SLCO3A1: variants seen among roughly 807,000 people sequenced by gnomAD.
The protein encoded by SLCO3A1 is solute carrier organic anion transporter family member 3A1, also known as PGE1 transporter.
Under a neutral mutation model 63.1 loss-of-function variants are expected in SLCO3A1, and 27 were observed. That is an observed-to-expected ratio of 0.43 (90% CI 0.32 to 0.59). The LOEUF (loss-of-function observed/expected upper bound fraction) is 0.59. Among genes scored for constraint, SLCO3A1 ranks in the 20% least tolerant of loss-of-function variants. The pLI is 0.09. For missense variants in SLCO3A1, 773 were observed against 945.8 expected (o/e 0.82, Z 2.40); for synonymous variants, 473 against 409.9 (o/e 1.15, Z -1.86).
At chr15:92,068,224 G>C (rs2047174700) in intron 2 of SLCO3A1, among the ~76,000 whole-genome samples, 1 of 152,202 alleles carries the variant, frequency 6.6e-6, no homozygotes. Context: ...TAATTAGCAT[G>C]TTTTGAAGGA....
At chr15:92,079,415 G>T (rs562463334) in intron 2 of SLCO3A1, among the ~76,000 whole-genome samples, 137 of 152,344 alleles carry the variant, frequency 9.0e-4, no homozygotes, top group African/African-American at 3.2e-3. Context: ...AGATGGTAGT[G>T]TTGGCCATGG....
intron 2 of SLCO3A1, among the ~76,000 whole-genome samples, chr15:91,937,627 G>C (rs1899461172): frequency 6.6e-6 from 1 of 151,474 alleles, no homozygotes; most frequent in Non-Finnish European, 1.5e-5. Context: ...GCTGAGGCAG[G>C]AGAATCACTT....
At chr15:91,992,075 C>G (rs1318071166) in intron 2 of SLCO3A1, among the ~76,000 whole-genome samples, 1 of 152,216 alleles carries the variant, frequency 6.6e-6, no homozygotes, top group East Asian at 1.9e-4. Flanking sequence ...GAGCTCTACC[C>G]TGTGCCACAG....
At chr15:92,141,054 A>G (rs1241527695) in intron 7 of SLCO3A1, among the ~76,000 whole-genome samples, 2 of 152,184 alleles carry the variant, frequency 1.3e-5, no homozygotes, top group Non-Finnish European at 2.9e-5. Context: ...CGGGTCAACA[A>G]ACTTGTCAGG....
chr15:92,133,569 C>T (rs1179577115), intron 7 of SLCO3A1, among the ~76,000 whole-genome samples: 1 of 145,202 alleles, frequency 6.9e-6, no homozygotes, highest in Non-Finnish European at 1.5e-5. Context: ...CCTGTCAGAT[C>T]AGCAGTGGCA....
rs960646654 is a variant in SLCO3A1, at chr15:91,900,432, C to T, written c.181-15561C>T. Reference sequence around the variant, plus strand: ...GCAACCTCCACTTCCTGGGTTCAAGCGATTCTCCTGCCTCAGCCTCCCCAG... The same window carrying T: ...GCAACCTCCACTTCCTGGGTTCAAGTGATTCTCCTGCCTCAGCCTCCCCAG... On this transcript the variant is annotated intron_variant, in intron 1 of 9. Coordinates refer to ENST00000318445, the MANE Select transcript of SLCO3A1 (RefSeq NM_013272.4). The surrounding 1 kb of genome is among the most constrained non-coding windows in gnomAD (Gnocchi z 4.3). Among the ~76,000 whole-genome samples, 4 of 152,138 alleles carry T rather than the reference C, an allele frequency of 2.6e-5. No homozygotes were observed. The highest frequency in any genetic ancestry group is 5.9e-5 in the Non-Finnish European group (4 of 68,026).
At chr15:92,004,051 C>T (rs1425911958) in intron 2 of SLCO3A1, among the ~76,000 whole-genome samples, 2 of 150,870 alleles carry the variant, frequency 1.3e-5, no homozygotes, top group African/African-American at 2.4e-5. Context: ...TGGACCGTCT[C>T]AGGCACTGGT....
rs1010847484 is a variant in SLCO3A1 at position 91,950,945 on chromosome 15, A to G, written c.646+34487A>G. ...AAAGTATTTCTCTGGCTTTCACTTCATTTGACAGGTGAGCTGAAGCTATTG... is the reference window on the plus strand; with the variant it reads ...AAAGTATTTCTCTGGCTTTCACTTCGTTTGACAGGTGAGCTGAAGCTATTG... On this transcript the variant is annotated intron_variant, in intron 2 of 9. Transcript: ENST00000318445. This position sits in a 1 kb window ranked among gnomAD's most constrained non-coding sequence, Gnocchi z 4.4. 2.6e-5 allele frequency among the ~76,000 whole-genome samples: 4 copies of G among 152,152 alleles called. No individual in the cohort carries two copies. Among genetic ancestry groups the G allele is most frequent in the Non-Finnish European group, 5.9e-5 (4 of 68,036 alleles).
At chr15:92,044,285 AC>A (rs1177681650) in intron 2 of SLCO3A1, among the ~76,000 whole-genome samples, 1 of 151,570 alleles carries the variant, frequency 6.6e-6, no homozygotes, top group Non-Finnish European at 1.5e-5. Flanking sequence ...AATGATGTGT[AC>A]CCCCCGAAAC....
intron 2 of SLCO3A1, among the ~76,000 whole-genome samples, chr15:91,965,101 T>G (rs1452137893): frequency 6.6e-6 from 1 of 151,482 alleles, no homozygotes; most frequent in Non-Finnish European, 1.5e-5. Context: ...GGATACTCAG[T>G]GGATGATTAG....
chr15:92,090,878 C>T (rs1385578883), intron 2 of SLCO3A1, among the ~76,000 whole-genome samples: 1 of 152,184 alleles, frequency 6.6e-6, no homozygotes, highest in Non-Finnish European at 1.5e-5. Flanking sequence ...ATTCAATCCT[C>T]ACCACAACCC....
chr15:92,125,781 C>G (rs1285853137), intron 5 of SLCO3A1, among the ~76,000 whole-genome samples: 1 of 151,774 alleles, frequency 6.6e-6, no homozygotes, highest in African/African-American at 2.4e-5. Flanking sequence ...CCCTCTTCAG[C>G]TTGCGTTTCT....
At chr15:92,025,166 C>CTT (rs11413999) in intron 2 of SLCO3A1, among the ~76,000 whole-genome samples, 205 of 129,020 alleles carry the variant, frequency 1.6e-3, no homozygotes, top group East Asian at 0.012. Context: ...TTAGGTTGTC[C>CTT]TTTTTTTTTT....
chr15:91,914,926 G>C (rs1433386119), intron 1 of SLCO3A1, among the ~76,000 whole-genome samples: 2 of 152,080 alleles, frequency 1.3e-5, no homozygotes, highest in African/African-American at 4.8e-5. Context: ...GGCTCATGCT[G>C]TTCCTTTTGC....
At chr15:92,137,107 A>C in intron 7 of SLCO3A1, among the ~76,000 whole-genome samples, 1 of 144,946 alleles carries the variant, frequency 6.9e-6, no homozygotes. Context: ...ATATCTCCCA[A>C]TGCTATCCCT....
intron 2 of SLCO3A1, among the ~76,000 whole-genome samples, chr15:91,956,974 ATAGTATATAT>A (rs1372505186): frequency 2.6e-5 from 1 of 38,506 alleles, no homozygotes; most frequent in Non-Finnish European, 3.8e-5. Flanking sequence ...ATATATATAT[ATAGTATATAT>A]AATATATAGT....
At chr15:92,112,084 G>A (rs1012828838) in intron 4 of SLCO3A1, among the ~76,000 whole-genome samples, 2 of 152,228 alleles carry the variant, frequency 1.3e-5, no homozygotes, top group African/African-American at 4.8e-5. Context: ...AGAGAGAGGG[G>A]ACTTGGAGAT....
intron 2 of SLCO3A1, among the ~76,000 whole-genome samples, chr15:92,072,086 A>G (rs906739042): frequency 1.3e-5 from 2 of 152,206 alleles, no homozygotes; most frequent in African/African-American, 2.4e-5. Context: ...CTGGATTCCA[A>G]TAGCTTTCCA....
intron 3 of SLCO3A1, among the ~76,000 whole-genome samples, chr15:92,099,691 C>G (rs1189251051): frequency 6.6e-6 from 1 of 152,184 alleles, no homozygotes; most frequent in East Asian, 1.9e-4. Flanking sequence ...CTGTCAACAG[C>G]TCTCAATTCA....
Sources: gnomAD v4.1 joint callset for allele counts (sites outside exome capture counted in the v4.1 genomes callset) on GRCh38, gnomAD v4.1.1 for gene constraint, Gnocchi (gnomAD v3.1) non-coding constraint, MANE v1.5 for transcripts, NCBI Gene and HGNC (gene_info 2026-07-23, HGNC 2026-07-21) for gene names.